EDNRB: variants seen among roughly 807,000 people sequenced by gnomAD.
EDNRB encodes the protein Hirschsprung disease 2.
EDNRB carries 18 observed loss-of-function variants against 46.4 expected under a neutral mutation model. That is an observed-to-expected ratio of 0.39 (90% CI 0.27 to 0.57). The LOEUF (loss-of-function observed/expected upper bound fraction) is 0.57, where lower values mean the gene tolerates loss of function less well. Among genes scored for constraint, EDNRB ranks in the 20% least tolerant of loss-of-function variants. The pLI, the probability that EDNRB is intolerant of heterozygous loss-of-function variation, is 0.61. For synonymous variants in EDNRB, 213 were observed against 204.9 expected, an observed-to-expected ratio of 1.04 and a Z score of -0.34; for missense variants, 434 against 537.5, an observed-to-expected ratio of 0.81 and a Z score of 1.90.
At chr13:77,970,976 AC>A (rs1272082012) in intron 1 of EDNRB, among the ~76,000 whole-genome samples, 13 of 152,214 alleles carry the variant, frequency 8.5e-5, no homozygotes, top group African/African-American at 2.4e-4. Flanking sequence ...CTGTGTGTGG[AC>A]CAGTCAGCTT....
chr13:77,902,883 G>A (rs1879070684), intron 3 of EDNRB, among the ~76,000 whole-genome samples: 1 of 151,868 alleles, frequency 6.6e-6, no homozygotes, highest in Non-Finnish European at 1.5e-5. Context: ...ATGGCTTTAG[G>A]TAGAAAGCTA....
intron 1 of EDNRB, among the ~76,000 whole-genome samples, chr13:77,906,298 A>G (rs1879275296): frequency 1.3e-5 from 2 of 152,002 alleles, no homozygotes; most frequent in African/African-American, 2.4e-5. Context: ...TAGAAATAAG[A>G]ATAAAAATTA....
chr13:77,958,787 T>C (rs956003636), intron 1 of EDNRB, among the ~76,000 whole-genome samples: 1 of 152,218 alleles, frequency 6.6e-6, no homozygotes, highest in African/African-American at 2.4e-5. Context: ...CAGCCTCAGG[T>C]GGCTGATGTT....
At chr13:77,959,447 C>T (rs1881338292) in intron 1 of EDNRB, among the ~76,000 whole-genome samples, 1 of 152,218 alleles carries the variant, frequency 6.6e-6, no homozygotes, top group Non-Finnish European at 1.5e-5. Context: ...GAGTGGACTT[C>T]CAGCAAACTC....
intron 1 of EDNRB, among the ~76,000 whole-genome samples, chr13:77,956,993 A>G (rs1881260083): frequency 6.6e-6 from 1 of 152,248 alleles, no homozygotes; most frequent in Non-Finnish European, 1.5e-5. Flanking sequence ...ACTGAGGACT[A>G]GGACATGGGC....
At chr13:77,956,711 C>T (rs1237187849) in intron 1 of EDNRB, among the ~76,000 whole-genome samples, 1 of 152,182 alleles carries the variant, frequency 6.6e-6, no homozygotes, top group East Asian at 1.9e-4. Flanking sequence ...TTTCTGGAGG[C>T]TATAAGAGAA....
upstream of EDNRB, chr13:77,918,936 T>C (rs1879967323): frequency 8.5e-7 from 1 of 1,174,868 alleles, no homozygotes; most frequent in Non-Finnish European, 1.1e-6. This position sits in a 1 kb window ranked among gnomAD's most constrained non-coding sequence, Gnocchi z 4.5. Flanking sequence ...AGCTCCGAAC[T>C]CTTTCACGTA....
intron 1 of EDNRB, among the ~76,000 whole-genome samples, chr13:77,916,197 C>A (rs1879799187): frequency 6.6e-6 from 1 of 152,156 alleles, no homozygotes; most frequent in Admixed American, 6.5e-5. Context: ...CCTGTGCCAA[C>A]CTAGCAAAAC....
intron 1 of EDNRB, among the ~76,000 whole-genome samples, chr13:77,933,823 A>G (rs187817356): frequency 0.015 from 2,218 of 152,102 alleles, 45 homozygotes; most frequent in East Asian, 0.024. Flanking sequence ...TGTGGTAAGG[A>G]GTGATATTGT....
intron 1 of EDNRB, among the ~76,000 whole-genome samples, chr13:77,970,554 G>C (rs1474612172): frequency 2.0e-5 from 3 of 151,920 alleles, no homozygotes; most frequent in Non-Finnish European, 1.5e-5. Flanking sequence ...CTATAATATT[G>C]TATAATTCTC....
chr13:77,898,295 G>T lies in EDNRB; in HGVS notation c.1234C>A (p.Gln412Lys). ...CCWCQSFEEK[Q>K]SLEEKQSCLK... ...CACGACTGCTTTTCCTCCAAGGACT[G>T]TTTTTCTTCAAATGACTGGCACCAG... Residue 412 changes from glutamine to lysine, a missense_variant, in exon 7 of 7, where the codon CAG becomes AAG. Gln to Lys is a moderately conservative substitution (Grantham distance 53, BLOSUM62 1). Coordinates refer to ENST00000646607, the MANE Select transcript of EDNRB (RefSeq NM_001122659.3). 6.2e-7 allele frequency: 1 copy of T among 1,612,218 alleles called. No individual in the cohort carries two copies. Among genetic ancestry groups the T allele is most frequent in the South Asian group, 1.1e-5 (1 of 91,046 alleles).
intron 1 of EDNRB, among the ~76,000 whole-genome samples, chr13:77,952,736 C>T (rs550973160): frequency 1.3e-5 from 2 of 152,304 alleles, no homozygotes; most frequent in South Asian, 2.1e-4. Context: ...CCCTGAATCT[C>T]ATGATGCCCT....
At chr13:77,923,273 G>A (rs1880137020), upstream of EDNRB, among the ~76,000 whole-genome samples, 1 of 152,048 alleles carries the variant, frequency 6.6e-6, no homozygotes, top group Admixed American at 6.6e-5. Flanking sequence ...TATAACTTAA[G>A]TAATTTTTAT....
At chr13:77,959,129 C>T (rs922017452) in intron 1 of EDNRB, among the ~76,000 whole-genome samples, 1 of 152,090 alleles carries the variant, frequency 6.6e-6, no homozygotes, top group Non-Finnish European at 1.5e-5. Context: ...TTTATGCAAT[C>T]CTTCATCATT....
intron 1 of EDNRB, among the ~76,000 whole-genome samples, chr13:77,965,044 C>T (rs1382233104): frequency 6.6e-6 from 1 of 152,158 alleles, no homozygotes; most frequent in Non-Finnish European, 1.5e-5. Flanking sequence ...ATATTCTTAT[C>T]ATTTCTTTCC....
rs376285694 is a variant in EDNRB, at chr13:77,935,618, G to T, written c.-51-16994C>A. ...AGGGAGAGCATGTGTGTGTTTATGA[G>T]AATTACGCCAAAACAGGTAACAGAT... On this transcript the variant is annotated intron_variant, in intron 1 of 7. Transcript: ENST00000646948. Among the ~76,000 whole-genome samples the T allele has an allele frequency of 1.3e-4, 20 of 152,316 alleles. No homozygotes were observed. In the East Asian group the frequency reaches 3.7e-3, roughly 28 times the overall value.
intron 1 of EDNRB, among the ~76,000 whole-genome samples, chr13:77,969,051 G>A (rs1881655108): frequency 6.6e-6 from 1 of 152,104 alleles, no homozygotes; most frequent in Admixed American, 6.6e-5. Context: ...TTTCTAAGAA[G>A]CACTGAAAAA....
rs563864464 is a variant in EDNRB, at chr13:77,912,472, A to G, written c.483+5619T>C. On this transcript the variant is annotated intron_variant, in intron 1 of 6. Transcript: ENST00000646607. ...GCTATCAACCTGTTATCTGACTATG[A>G]CAATACTTTAATACAGAAGGAATCA... Among the ~76,000 whole-genome samples, 3 of 152,230 alleles carry G rather than the reference A, an allele frequency of 2.0e-5. No individual in the cohort carries two copies. In the South Asian group the frequency reaches 6.2e-4, roughly 32 times the overall value.
intron 1 of EDNRB, among the ~76,000 whole-genome samples, chr13:77,909,569 A>T (rs1377647372): frequency 1.3e-5 from 2 of 152,084 alleles, no homozygotes; most frequent in Non-Finnish European, 2.9e-5. Context: ...CTCATTAAAC[A>T]TAGATAGCAT....
Sources: gnomAD v4.1 joint callset for allele counts (sites outside exome capture counted in the v4.1 genomes callset) on GRCh38, gnomAD v4.1.1 for gene constraint, Gnocchi (gnomAD v3.1) non-coding constraint, MANE v1.5 for transcripts, NCBI Gene and HGNC (gene_info 2026-07-23, HGNC 2026-07-21) for gene names.